Variants in USP48 observed in about 807,000 individuals in gnomAD.
USP48 encodes the protein ubiquitin carboxyl-terminal hydrolase 48.
USP48 carries 43 observed loss-of-function variants against 150.7 expected under a neutral mutation model. That is an observed-to-expected ratio of 0.29 (90% CI 0.22 to 0.37). USP48 has a LOEUF of 0.37. Among genes scored for constraint, USP48 ranks in the 10% least tolerant of loss-of-function variants. The probability of loss-of-function intolerance (pLI) is 1.00; values close to 1 mark genes in which losing one functional copy is unlikely to be tolerated. For synonymous variants in USP48, 396 were observed against 425.9 expected (o/e 0.93, Z 0.86); for missense variants, 813 against 1,249.6 (o/e 0.65, Z 5.27).
At chr1:21,734,312 T>G (rs563670318) in intron 9 of USP48, among the ~76,000 whole-genome samples, 1 of 152,090 alleles carries the variant, frequency 6.6e-6, no homozygotes, top group African/African-American at 2.4e-5. Context: ...GGCAGGAGGA[T>G]TATTTGAGTC....
At chr1:21,774,115 G>A (rs1189806243) in intron 1 of USP48, among the ~76,000 whole-genome samples, 1 of 151,812 alleles carries the variant, frequency 6.6e-6, no homozygotes, top group Non-Finnish European at 1.5e-5. Flanking sequence ...AAAGGTGGAG[G>A]TTGCAGTGAG....
intron 5 of USP48, 90 bp from the exon 6 acceptor site, chr1:21,751,705 C>A: frequency 1.0e-6 from 1 of 972,354 alleles, no homozygotes; most frequent in Admixed American, 2.3e-5. Flanking sequence ...TGGAAAAAAG[C>A]ATTTATAACT....
intron 21 of USP48, among the ~76,000 whole-genome samples, chr1:21,703,150 T>C (rs547570222): frequency 6.6e-6 from 1 of 152,232 alleles, no homozygotes; most frequent in Non-Finnish European, 1.5e-5. Context: ...AAAACAATCA[T>C]TTCTGTGTGA....
chr1:21,690,505 CTTTCTTT>C (rs1177569571), intron 23 of USP48, among the ~76,000 whole-genome samples: 3 of 151,682 alleles, frequency 2.0e-5, no homozygotes, highest in South Asian at 2.1e-4. Flanking sequence ...AGTCCAAATT[CTTTCTTT>C]TTTCTTTTTC....
At chr1:21,711,228 A>T (rs551496635) in intron 15 of USP48, among the ~76,000 whole-genome samples, 2 of 152,202 alleles carry the variant, frequency 1.3e-5, no homozygotes, top group Non-Finnish European at 2.9e-5. Context: ...GAAAGTCAAG[A>T]AGTAGCCAGA....
At chr1:21,681,259 TTTTA>T (rs1224098753) in intron 25 of USP48, 1 of 154,018 alleles carries the variant, frequency 6.5e-6, no homozygotes, top group Non-Finnish European at 1.4e-5. Flanking sequence ...CTTTTCATAA[TTTTA>T]TTTACTTTTT....
chr1:21,728,769 T>C (rs559890792), intron 10 of USP48, 50 bp from the exon 11 acceptor site: 23 of 1,592,194 alleles, frequency 1.4e-5, no homozygotes, highest in Admixed American at 3.4e-5. Context: ...TTTTCACATA[T>C]AGTGAACCAT....
chr1:21,755,159 A>G (rs1253993036), intron 3 of USP48, among the ~76,000 whole-genome samples: 1 of 152,122 alleles, frequency 6.6e-6, no homozygotes, highest in African/African-American at 2.4e-5. Flanking sequence ...TAACTGGACT[A>G]TATTTATCTC....
intron 24 of USP48, among the ~76,000 whole-genome samples, chr1:21,689,276 G>A (rs1468415497): frequency 2.9e-5 from 4 of 138,182 alleles, no homozygotes; most frequent in Non-Finnish European, 4.6e-5. Flanking sequence ...TATCATTAGT[G>A]TGGTTTTAAG....
At position 21,748,057 on chromosome 1, in the gene USP48, A is replaced by T. The variant is rs186512001; in HGVS notation, c.908+81T>A. 2.7e-5 allele frequency: 37 copies of T among 1,347,154 alleles called. No individual in the cohort carries two copies. In the African/African-American group the frequency reaches 4.9e-4, roughly 18 times the overall value. 83.5% of individuals were successfully genotyped at this position (1,347,154 alleles called of 1,614,324 possible). On this transcript the variant is annotated intron_variant, in intron 7 of 26. Transcript: ENST00000308271. ...AAATCTAGAGTTTCAAATTACAACC[A>T]TTTTATCATCTCATCTATGGTAAAG... is the stretch of plus-strand genomic sequence containing the variant.
chr1:21,756,800 GAC>G (rs1285932891), intron 2 of USP48, 98 bp from the exon 3 acceptor site: 2 of 1,522,142 alleles, frequency 1.3e-6, no homozygotes, highest in Non-Finnish European at 1.8e-6. Context: ...AAATGTGTAA[GAC>G]CGTCACAACC....
At chr1:21,693,042 G>A (rs970632419) in intron 23 of USP48, among the ~76,000 whole-genome samples, 1 of 152,022 alleles carries the variant, frequency 6.6e-6, no homozygotes, top group Non-Finnish European at 1.5e-5. Flanking sequence ...GCTCTCCTCT[G>A]CTTGCGATGC....
At chr1:21,692,019 T>TC (rs2097603008) in intron 23 of USP48, among the ~76,000 whole-genome samples, 1 of 152,154 alleles carries the variant, frequency 6.6e-6, no homozygotes, top group Non-Finnish European at 1.5e-5. Flanking sequence ...ACTGTGTGTG[T>TC]AACAGGGCCC....
intron 1 of USP48, among the ~76,000 whole-genome samples, chr1:21,779,218 G>A (rs2097908454): frequency 1.3e-5 from 2 of 152,076 alleles, no homozygotes; most frequent in African/African-American, 4.8e-5. Context: ...CTGTGTTACA[G>A]AGTGAGACCT....
intron 8 of USP48, among the ~76,000 whole-genome samples, chr1:21,744,171 T>C (rs1013114491): frequency 2.0e-5 from 3 of 152,138 alleles, no homozygotes; most frequent in Non-Finnish European, 2.9e-5. Flanking sequence ...AGGCCAGGCG[T>C]GGTGGCTCAC....
chr1:21,756,706 C>T lies in USP48; in HGVS notation c.256-4G>A. The T allele has an allele frequency of 1.2e-6, 2 of 1,612,542 alleles. No individual in the cohort carries two copies. Among genetic ancestry groups the T allele is most frequent in the Non-Finnish European group, 1.7e-6 (2 of 1,179,518 alleles). On this transcript the variant is annotated splice_region_variant and splice_polypyrimidine_tract_variant and intron_variant, in intron 2 of 26. Coordinates refer to ENST00000308271, the MANE Select transcript of USP48 (RefSeq NM_032236.8). The stretch of plus-strand genomic sequence containing the variant: ...TAGTCAGGCCCACAAATGAGTTCTA[C>T]AAAAATACAAAATTCATAATTATAA...
chr1:21,694,572 CAAAAAAAAAAAAAAA>C (rs1204062748), intron 23 of USP48, among the ~76,000 whole-genome samples: 22 of 11,998 alleles, frequency 1.8e-3, no homozygotes, highest in Non-Finnish European at 2.2e-3. Context: ...TCTGTCTCAC[CAAAAAAAAAAAAAAA>C]AAAAAAAAAA....
chr1:21,703,844 G>C (rs2097664518), intron 20 of USP48, among the ~76,000 whole-genome samples: 1 of 152,142 alleles, frequency 6.6e-6, no homozygotes, highest in Non-Finnish European at 1.5e-5. Flanking sequence ...CCATGCTCCT[G>C]ACTCAGCCTC....
chr1:21,717,183 C>A (rs1396855504), intron 14 of USP48, among the ~76,000 whole-genome samples: 29 of 151,934 alleles, frequency 1.9e-4, no homozygotes, highest in Admixed American at 1.9e-3. Context: ...GCAGGCAGAT[C>A]ACATGAGCCC....
Sources: gnomAD v4.1 joint callset for allele counts (sites outside exome capture counted in the v4.1 genomes callset) on GRCh38, gnomAD v4.1.1 for gene constraint, MANE v1.5 for transcripts, NCBI Gene and HGNC (gene_info 2026-07-23, HGNC 2026-07-21) for gene names.